Variants in SYN3 observed in about 807,000 individuals in gnomAD.
SYN3 encodes the protein synapsin-3.
SYN3 carries 35 observed loss-of-function variants against 65.8 expected under a neutral mutation model. The observed-to-expected ratio is 0.53, with a 90% CI of 0.41 to 0.70. SYN3 has a LOEUF of 0.70. Among genes scored for constraint, SYN3 ranks in the 30% least tolerant of loss-of-function variants. SYN3 has a pLI of 0.00. For missense variants in SYN3, 680 were observed against 749.0 expected, an observed-to-expected ratio of 0.91 and a Z score of 1.08; for synonymous variants, 270 against 292.9, an observed-to-expected ratio of 0.92 and a Z score of 0.80.
intron 6 of SYN3, among the ~76,000 whole-genome samples, chr22:32,852,548 C>T (rs2048250542): frequency 6.6e-6 from 1 of 152,120 alleles, no homozygotes; most frequent in South Asian, 2.1e-4. Context: ...CCTAGAGAGT[C>T]AGAAGGGGTG....
At chr22:32,831,360 CAG>C (rs1213006162) in intron 6 of SYN3, among the ~76,000 whole-genome samples, 2 of 152,172 alleles carry the variant, frequency 1.3e-5, no homozygotes, top group East Asian at 3.9e-4. Context: ...AAAGTTAACT[CAG>C]AGCATTAGAG....
chr22:32,563,592 A>G (rs2058617083), intron 7 of SYN3, among the ~76,000 whole-genome samples: 1 of 152,172 alleles, frequency 6.6e-6, no homozygotes, highest in Admixed American at 6.5e-5. Context: ...GTGAGGAGGC[A>G]TGTGCCGAGA....
intron 6 of SYN3, among the ~76,000 whole-genome samples, chr22:32,791,762 C>T (rs2046328312): frequency 6.6e-6 from 1 of 151,934 alleles, no homozygotes; most frequent in Non-Finnish European, 1.5e-5. Context: ...ACGATGATCT[C>T]ATCTACCTCA....
chr22:33,019,978 G>A (rs1275865424), intron 1 of SYN3, among the ~76,000 whole-genome samples: 1 of 152,216 alleles, frequency 6.6e-6, no homozygotes, highest in Non-Finnish European at 1.5e-5. Context: ...AATAATGAAT[G>A]ATTATACAAA....
At chr22:32,736,004 G>A (rs979486071) in intron 6 of SYN3, among the ~76,000 whole-genome samples, 6 of 152,200 alleles carry the variant, frequency 3.9e-5, no homozygotes, top group African/African-American at 1.4e-4. Flanking sequence ...AGGGGGCCAT[G>A]CCTGGCAGGA....
chr22:32,754,990 G>A (rs138396362), intron 6 of SYN3, among the ~76,000 whole-genome samples: 28 of 152,306 alleles, frequency 1.8e-4, no homozygotes, highest in Admixed American at 7.2e-4. Context: ...CCCCCTGCAA[G>A]GACAATGTGA....
chr22:32,613,150 C>G (rs573413484), intron 6 of SYN3, among the ~76,000 whole-genome samples: 1 of 151,808 alleles, frequency 6.6e-6, no homozygotes, highest in Non-Finnish European at 1.5e-5. Flanking sequence ...TCCTGTACAG[C>G]CTGTGGAACT....
intron 6 of SYN3, among the ~76,000 whole-genome samples, chr22:32,647,272 C>T (rs372631866): frequency 1.8e-4 from 27 of 152,180 alleles, no homozygotes; most frequent in African/African-American, 6.3e-4. Flanking sequence ...GTTCTTTTCT[C>T]GGAGCCTACT....
chr22:32,788,233 C>T (rs948451202), intron 6 of SYN3, among the ~76,000 whole-genome samples: 43 of 142,524 alleles, frequency 3.0e-4, no homozygotes, highest in South Asian at 4.5e-4. Context: ...AATAACAATA[C>T]GACTATATTA....
chr22:32,530,652 G>A (rs1332659099), intron 10 of SYN3, among the ~76,000 whole-genome samples: 3 of 151,008 alleles, frequency 2.0e-5, no homozygotes, highest in African/African-American at 7.3e-5. Context: ...GCTGGGACTT[G>A]TAGGGATCTG....
intron 3 of SYN3, among the ~76,000 whole-genome samples, 187 bp from the exon 4 acceptor site, chr22:32,931,668 G>A (rs572872644): frequency 6.6e-6 from 1 of 152,184 alleles, no homozygotes; most frequent in Non-Finnish European, 1.5e-5. Flanking sequence ...AAGAGGCCTG[G>A]TGGCATGTCC....
At chr22:33,045,525 T>G (rs2054046696) in intron 1 of SYN3, among the ~76,000 whole-genome samples, 1 of 138,530 alleles carries the variant, frequency 7.2e-6, no homozygotes, top group Non-Finnish European at 1.5e-5. Context: ...TGGAGTGCAG[T>G]GGCATGATCT....
At chr22:32,613,893 G>A (rs971692412) in intron 6 of SYN3, among the ~76,000 whole-genome samples, 2 of 152,142 alleles carry the variant, frequency 1.3e-5, no homozygotes, top group Non-Finnish European at 2.9e-5. Context: ...ACCTACGGAA[G>A]AGGCTGCAAA....
At position 32,511,390 on chromosome 22, in the gene SYN3, C is replaced by T. The variant is rs1337559421; in HGVS notation, c.*2302G>A. On this transcript the variant is annotated 3_prime_UTR_variant, in exon 14 of 14. Coordinates refer to ENST00000358763, the MANE Select transcript of SYN3 (RefSeq NM_003490.4). ...TGTGTCGACAATGATGCCTGCAAAGCAGCAGCTTCATGTGTCTGACTGCCC... is the reference window on the plus strand; with the variant it reads ...TGTGTCGACAATGATGCCTGCAAAGTAGCAGCTTCATGTGTCTGACTGCCC... Among the ~76,000 whole-genome samples the T allele has an allele frequency of 1.3e-5, 2 of 152,256 alleles. No individual in the cohort carries two copies. The highest frequency in any genetic ancestry group is 2.9e-5 in the Non-Finnish European group (2 of 68,048).
chr22:32,910,242 TA>T (rs954896242), intron 4 of SYN3, among the ~76,000 whole-genome samples: 1 of 152,328 alleles, frequency 6.6e-6, no homozygotes. Flanking sequence ...GAAACATTTT[TA>T]CTTGGAATTT....
At chr22:32,785,363 T>C (rs6518797) in intron 6 of SYN3, among the ~76,000 whole-genome samples, 39,012 of 152,090 alleles carry the variant, frequency 0.26, 5,466 homozygotes, top group African/African-American at 0.38. Flanking sequence ...GTCTTGGGTG[T>C]TACATGTTGT....
At chr22:33,047,350 C>T (rs936159152) in intron 1 of SYN3, among the ~76,000 whole-genome samples, 13 of 152,144 alleles carry the variant, frequency 8.5e-5, no homozygotes, top group Non-Finnish European at 1.5e-4. Context: ...ACCCAAGAGA[C>T]GAACACTCAA....
At chr22:32,879,745 G>A (rs982530337) in intron 4 of SYN3, among the ~76,000 whole-genome samples, 2 of 152,206 alleles carry the variant, frequency 1.3e-5, no homozygotes, top group African/African-American at 2.4e-5. Flanking sequence ...TGAGTACCTA[G>A]CCGGTGTTAA....
chr22:32,991,097 T>G (rs933830318), intron 2 of SYN3, among the ~76,000 whole-genome samples: 3 of 151,644 alleles, frequency 2.0e-5, no homozygotes, highest in African/African-American at 2.4e-5. Context: ...GCAGGAGAAT[T>G]GCTTGAACCC....
Sources: allele counts gnomAD v4.1 joint callset (sites outside exome capture counted in the v4.1 genomes callset), GRCh38; gene constraint gnomAD v4.1.1; transcripts MANE v1.5; gene names NCBI Gene and HGNC (gene_info 2026-07-23, HGNC 2026-07-21).